Variants in KASH5 observed in about 807,000 individuals in gnomAD.
The protein encoded by KASH5 is protein KASH5.
KASH5 carries 72 observed loss-of-function variants against 84.2 expected under a neutral mutation model. The observed-to-expected ratio is 0.85, with a 90% CI of 0.71 to 1.04. The LOEUF is 1.04. Among genes scored for constraint, KASH5 ranks in the 50% least tolerant of loss-of-function variants. The probability of loss-of-function intolerance (pLI) is 0.00; values close to 1 mark genes in which losing one functional copy is unlikely to be tolerated. For synonymous variants in KASH5, 260 were observed against 279.1 expected, an observed-to-expected ratio of 0.93 and a Z score of 0.68; for missense variants, 650 against 701.0, an observed-to-expected ratio of 0.93 and a Z score of 0.82.
intron 12 of KASH5, among the ~76,000 whole-genome samples, chr19:49,407,896 C>T (rs907019839): frequency 9.9e-5 from 15 of 152,106 alleles, no homozygotes; most frequent in Non-Finnish European, 2.2e-4. Context: ...CTGTGGGTGT[C>T]TTCTCACACA....
chr19:49,398,925 G>A, intron 7 of KASH5, 100 bp from the exon 8 acceptor site: 2 of 885,548 alleles, frequency 2.3e-6, no homozygotes, highest in African/African-American at 3.4e-5. Context: ...CCTACCACCT[G>A]GGATCTCTCT....
chr19:49,402,138 A>G (rs975296162), intron 9 of KASH5, among the ~76,000 whole-genome samples: 3 of 152,040 alleles, frequency 2.0e-5, no homozygotes, highest in African/African-American at 7.2e-5. Context: ...GCTACTCGGG[A>G]GGCTGAGGCA....
rs1974142285 is a variant in KASH5 at position 49,395,389 on chromosome 19, C to T, written c.335+97C>T. The T allele has an allele frequency of 1.5e-6, 2 of 1,321,580 alleles. No individual in the cohort carries two copies. Among genetic ancestry groups the T allele is most frequent in the Non-Finnish European group, 2.1e-6 (2 of 946,172 alleles). The allele number at this position is 1,321,580 out of a possible 1,614,324, so 81.9% of individuals were successfully genotyped here. On this transcript the variant is annotated intron_variant, in intron 4 of 19. Transcript: ENST00000447857. This position sits in a 1 kb window ranked among gnomAD's most constrained non-coding sequence, Gnocchi z 4.4. ...GCCAGCATCCTTTAGGCCCAAGGAC[C>T]TACTGTGTTTGGAATGAGGCTGTGG...
Position 49,395,788 on chromosome 19 carries a change from G to A in KASH5, c.355G>A (p.Glu119Lys), listed in dbSNP as rs1254329526. ...QLHGGLELEE[E>K]TAFQGALTSR... ...ATACAGGGGATTAGAGCTGGAAGAG[G>A]AGACCGCCTTCCAGGGAGCCCTGAC... Residue 119 changes from glutamate (E) to lysine (K), a missense_variant, in exon 5 of 20, where the codon GAG becomes AAG. Transcript: ENST00000447857. This position sits in a 1 kb window ranked among gnomAD's most constrained non-coding sequence, Gnocchi z 4.4. The A allele has an allele frequency of 7.7e-6, 12 of 1,563,562 alleles. No homozygotes were observed. The highest frequency in any genetic ancestry group is 1.2e-5 in the South Asian group (1 of 84,598).
At chr19:49,393,682 C>CGTGTGTGTGTGTGTGT (rs34539350) in intron 2 of KASH5, 3,334 of 142,464 alleles carry the variant, frequency 0.023, 72 homozygotes, top group East Asian at 0.032. Flanking sequence ...GACCCCAGGA[C>CGTGTGTGTGTGTGTGT]GTGTGTGTGT....
Position 49,417,669 on chromosome 19 carries a change from T to G in KASH5, c.*159T>G, listed in dbSNP as rs1974957441. 2.2e-6 allele frequency: 2 copies of G among 912,600 alleles called. No homozygotes were observed. Among genetic ancestry groups the G allele is most frequent in the Middle Eastern group, 2.4e-4 (1 of 4,150 alleles). 56.5% of individuals were successfully genotyped at this position (912,600 alleles called of 1,614,324 possible). ...TATTTTTATGTGAAGTCTCCTAGTT[T>G]TTTAATGCTGACATTTCTTAACAAT... On this transcript the variant is annotated 3_prime_UTR_variant, in exon 20 of 20. Transcript: ENST00000447857. This position sits in a 1 kb window ranked among gnomAD's most constrained non-coding sequence, Gnocchi z 5.2.
chr19:49,412,018 G>T lies in KASH5; in HGVS notation c.1270-950G>T, dbSNP rs371596416. Among the ~76,000 whole-genome samples the T allele has an allele frequency of 6.6e-6, 1 of 152,094 alleles. No individual in the cohort carries two copies. The highest frequency in any genetic ancestry group is 2.4e-5 in the African/African-American group (1 of 41,414). On this transcript the variant is annotated intron_variant, in intron 15 of 19. Transcript: ENST00000447857. This position sits in a 1 kb window ranked among gnomAD's most constrained non-coding sequence, Gnocchi z 4.6. ...GAGGCACTAGCACAGCCTGTGCAAG[G>T]CCTTGGCATAAAATCACGATATGCT... is the stretch of plus-strand genomic sequence containing the variant.
intron 9 of KASH5, among the ~76,000 whole-genome samples, chr19:49,400,026 C>T (rs1974310412): frequency 2.0e-5 from 3 of 151,986 alleles, no homozygotes; most frequent in Non-Finnish European, 2.9e-5. Context: ...CCTAGGAGTT[C>T]GAGACCATCC....
intron 9 of KASH5, among the ~76,000 whole-genome samples, chr19:49,402,426 G>A (rs1193893038): frequency 6.6e-6 from 1 of 151,578 alleles, no homozygotes; most frequent in Admixed American, 6.6e-5. Flanking sequence ...AGAATGAAAG[G>A]CCAGGCACAG....
intron 9 of KASH5, among the ~76,000 whole-genome samples, chr19:49,406,226 A>C (rs183684174): frequency 4.7e-4 from 72 of 152,204 alleles, no homozygotes; most frequent in Middle Eastern, 3.4e-3. Context: ...GATAATGTGG[A>C]TAACAGGCTG....
rs755946643 is a variant in KASH5 at position 49,399,563 on chromosome 19, GAC to G, written c.798+59_798+60del. 1 of 1,564,050 alleles carries G rather than the reference GAC, an allele frequency of 6.4e-7. No individual in the cohort carries two copies. The highest frequency in any genetic ancestry group is 8.7e-7 in the Non-Finnish European group (1 of 1,153,828). The stretch of plus-strand genomic sequence containing the variant: ...CTTCCCCAGTCCTTAAGGTCTTCTT[GAC>G]ACCACTCCCTTCTGCCCCCAACACC... On this transcript the variant is annotated intron_variant, in intron 9 of 19. Transcript: ENST00000447857. The surrounding 1 kb of genome is among the most constrained non-coding windows in gnomAD (Gnocchi z 4.4).
Position 49,412,997 on chromosome 19 carries a change from T to A in KASH5, c.1299T>A (p.Pro433=), listed in dbSNP as rs1439210094. 1 of 1,613,466 alleles carries A rather than the reference T, an allele frequency of 6.2e-7. No individual in the cohort carries two copies. Among genetic ancestry groups the A allele is most frequent in the Non-Finnish European group, 8.5e-7 (1 of 1,179,808 alleles). Residue 433 remains proline (P), a synonymous_variant, in exon 16 of 20, where the codon CCT becomes CCA. Coordinates refer to ENST00000447857, the MANE Select transcript of KASH5 (RefSeq NM_144688.5). The surrounding 1 kb of genome is among the most constrained non-coding windows in gnomAD (Gnocchi z 4.6). ...QRNFQGEPAH[P]EEGRKEPSMW... The stretch of plus-strand genomic sequence containing the variant: ...ACTTCCAGGGAGAGCCAGCGCACCC[T>A]GAAGAAGGAAGGAAGGAGCCATCCA...
At position 49,398,195 on chromosome 19, in the gene KASH5, C is replaced by T. The variant is rs923606631; in HGVS notation, c.629+52C>T. The T allele has an allele frequency of 2.0e-6, 3 of 1,479,798 alleles. No individual in the cohort carries two copies. The East Asian group carries it at 7.2e-5, about 35-fold the overall frequency. The allele number at this position is 1,479,798 out of a possible 1,614,324, so 91.7% of individuals were successfully genotyped here. On this transcript the variant is annotated intron_variant, in intron 7 of 19. Coordinates refer to ENST00000447857, the MANE Select transcript of KASH5 (RefSeq NM_144688.5). ...CCCAGCGCCCCTGCCTCCGTCCTCC[C>T]TGCAGCAGCCGGCCTCTATCTCCCA...
At chr19:49,410,415 C>G (rs1366758012) in intron 15 of KASH5, among the ~76,000 whole-genome samples, 2 of 151,864 alleles carry the variant, frequency 1.3e-5, no homozygotes, top group Non-Finnish European at 2.9e-5. Context: ...GCCTCAATCT[C>G]CTGGATAAGC....
Position 49,406,932 on chromosome 19 carries a change from A to G in KASH5, c.845A>G (p.Gln282Arg), listed in dbSNP as rs764515946. ...CGGGATGGAGTGAAAAAGAGAAGTCAGGAGCTGGCCATGGAGAAGGACACT... is the reference window on the plus strand; with the variant it reads ...CGGGATGGAGTGAAAAAGAGAAGTCGGGAGCTGGCCATGGAGAAGGACACT... Reference protein sequence around the residue: ...AERDGVKKRSQELAMEKDTLK... With the variant: ...AERDGVKKRSRELAMEKDTLK... The change falls in exon 10 of 20, where the codon CAG (glutamine) becomes CGG (arginine). Residue 282 changes from glutamine to arginine, a missense_variant. Transcript: ENST00000447857. 16 of 1,602,874 alleles carry G rather than the reference A, an allele frequency of 1.0e-5. No homozygotes were observed. The highest frequency in any genetic ancestry group is 1.3e-5 in the Non-Finnish European group (15 of 1,174,818).
In KASH5 at chr19:49,399,056, A is replaced by G. The variant is rs781491541; in HGVS notation, c.661A>G (p.Met221Val). The G allele has an allele frequency of 1.0e-5, 16 of 1,551,472 alleles. No homozygotes were observed. The South Asian group carries it at 1.5e-4, about 15-fold the overall frequency. Residue 221 changes from methionine (M) to valine (V), a missense_variant, in exon 8 of 20, where the codon ATG (methionine) becomes GTG (valine). Met to Val is a conservative substitution (Grantham distance 21). Transcript: ENST00000447857. This position sits in a 1 kb window ranked among gnomAD's most constrained non-coding sequence, Gnocchi z 4.4. ...TQQALQFAKA[M>V]DEELEDLKTL... ...GCAGGCCCTGCAGTTTGCCAAGGCC[A>G]TGGATGAGGAGCTGGAGGACCTGAA... is the stretch of plus-strand genomic sequence containing the variant.
rs139882972 is a variant in KASH5, at chr19:49,417,408, C to CCTGCTG, written c.1602_1607dup (p.Leu535_Leu536dup). The CCTGCTG allele has an allele frequency of 1.2e-5, 18 of 1,553,846 alleles. No individual in the cohort carries two copies. In the East Asian group the frequency reaches 1.5e-4, roughly 13 times the overall value. On this transcript the variant is annotated inframe_insertion, in exon 20 of 20. Transcript: ENST00000447857. The surrounding 1 kb of genome is among the most constrained non-coding windows in gnomAD (Gnocchi z 5.2). Reference sequence around the variant, plus strand: ...CACTGATCCCAGCTCCTGTCCTGGGCCTGCTGCTGCTGCTGCTGCTCTCTG... The same window carrying CCTGCTG: ...CACTGATCCCAGCTCCTGTCCTGGGCCTGCTGCTGCTGCTGCTGCTGCTGCTCTCTG...
At chr19:49,391,936 G>A (rs1974016377) in intron 2 of KASH5, among the ~76,000 whole-genome samples, 1 of 152,066 alleles carries the variant, frequency 6.6e-6, no homozygotes, top group Admixed American at 6.5e-5. Flanking sequence ...GGCACAGCCT[G>A]CGTCTTTTTC....
In KASH5 at chr19:49,390,781, C is replaced by T; in HGVS notation, c.-95-8C>T. On this transcript the variant is annotated splice_polypyrimidine_tract_variant and splice_region_variant and intron_variant, in intron 1 of 19. Coordinates refer to ENST00000447857, the MANE Select transcript of KASH5 (RefSeq NM_144688.5). ...TCTGAGGACACCATTTCCTGCTTCTCCTTCCAGGAGTGCTCGGGCCAGCTG... is the reference window on the plus strand; with the variant it reads ...TCTGAGGACACCATTTCCTGCTTCTTCTTCCAGGAGTGCTCGGGCCAGCTG... 2 of 1,317,712 alleles carry T rather than the reference C, an allele frequency of 1.5e-6. No homozygotes were observed. The highest frequency in any genetic ancestry group is 2.0e-6 in the Non-Finnish European group (2 of 980,722). 81.6% of individuals were successfully genotyped at this position (1,317,712 alleles called of 1,614,324 possible).
Sources: gnomAD v4.1 joint callset for allele counts (sites outside exome capture counted in the v4.1 genomes callset) on GRCh38, gnomAD v4.1.1 for gene constraint, Gnocchi (gnomAD v3.1) non-coding constraint, MANE v1.5 for transcripts, NCBI Gene and HGNC (gene_info 2026-07-23, HGNC 2026-07-21) for gene names.